Variants in DHX9 observed in about 807,000 individuals in gnomAD.
The protein encoded by DHX9 is DExH-box helicase 9, also known as ATP-dependent RNA helicase A.
DHX9 carries 27 observed loss-of-function variants against 148.7 expected under a neutral mutation model. That is an observed-to-expected ratio of 0.18 (90% CI 0.13 to 0.25). The LOEUF (loss-of-function observed/expected upper bound fraction) is 0.25, where lower values mean the gene tolerates loss of function less well. DHX9 is among the 10% of genes least tolerant of loss of function. DHX9 has a pLI of 1.00. For synonymous variants in DHX9, 529 were observed against 516.6 expected, an observed-to-expected ratio of 1.02 and a Z score of -0.33; for missense variants, 796 against 1,559.6, an observed-to-expected ratio of 0.51 and a Z score of 8.25.
intron 6 of DHX9, 68 bp downstream of exon 6, chr1:182,854,246 T>TCC: frequency 2.1e-6 from 3 of 1,417,292 alleles, no homozygotes; most frequent in Non-Finnish European, 1.9e-6. Context: ...CTGTTGAATA[T>TCC]AATCTATTTT....
rs770991767 is a variant in DHX9, at chr1:182,853,310, T to C, written c.369T>C (p.Asn123=). The C allele has an allele frequency of 6.2e-7, 1 of 1,605,422 alleles. No homozygotes were observed. Among genetic ancestry groups the C allele is most frequent in the South Asian group, 1.1e-5 (1 of 89,978 alleles). The change falls in exon 5 of 28, where the codon AAT becomes AAC. Residue 123 remains asparagine, a synonymous_variant. Coordinates refer to ENST00000367549, the MANE Select transcript of DHX9 (RefSeq NM_001357.5). ...GAATTTTTTTTCTTTTAACAGAAAATAATTCTGAGGTAGGGGCCTCTGGCT... is the reference window on the plus strand; with the variant it reads ...GAATTTTTTTTCTTTTAACAGAAAACAATTCTGAGGTAGGGGCCTCTGGCT... The part of the protein sequence containing the change: ...LPPHLALKAE[N]NSEVGASGYG...
chr1:182,870,850 C>A (rs1381848632), intron 14 of DHX9, among the ~76,000 whole-genome samples: 1 of 152,116 alleles, frequency 6.6e-6, no homozygotes, highest in Non-Finnish European at 1.5e-5. Context: ...CCCAGAATAT[C>A]TAAAATATTT....
chr1:182,842,705 G>A (rs1325615159), intron 2 of DHX9, 28 bp downstream of exon 2: 1 of 1,559,680 alleles, frequency 6.4e-7, no homozygotes, highest in Non-Finnish European at 8.8e-7. Context: ...TTGCATTTAT[G>A]TGATTTATGA....
At chr1:182,847,453 G>A (rs1423799476) in intron 3 of DHX9, among the ~76,000 whole-genome samples, 2 of 152,140 alleles carry the variant, frequency 1.3e-5, no homozygotes, top group Non-Finnish European at 2.9e-5. Flanking sequence ...TGTTAACTCA[G>A]ATCTCACCTC....
Position 182,883,648 on chromosome 1 carries a change from A to G in DHX9, c.3260+13A>G. ...TTGTAGATGACTGGTATGGATTTTC[A>G]GATGTGAACTCCAAACTGAATTCTT... On this transcript the variant is annotated intron_variant, in intron 26 of 27. Transcript: ENST00000367549. 1.3e-6 allele frequency: 2 copies of G among 1,565,422 alleles called. No homozygotes were observed. Among genetic ancestry groups the G allele is most frequent in the Non-Finnish European group, 1.8e-6 (2 of 1,136,528 alleles).
chr1:182,874,027 ATT>A (rs2102614289), intron 15 of DHX9, among the ~76,000 whole-genome samples: 2 of 152,348 alleles, frequency 1.3e-5, no homozygotes, highest in South Asian at 4.1e-4. Flanking sequence ...AATACAAAAT[ATT>A]TGTGTGTCTA....
intron 22 of DHX9, among the ~76,000 whole-genome samples, chr1:182,880,908 G>T (rs1649055469): frequency 6.6e-6 from 1 of 152,188 alleles, no homozygotes; most frequent in Non-Finnish European, 1.5e-5. Flanking sequence ...CAGGGTGGGA[G>T]GGTCCCTTGT....
In DHX9 at chr1:182,884,679, T is replaced by A. The variant is rs752986119; in HGVS notation, c.3327T>A (p.Ala1109=). 1 of 1,614,194 alleles carries A rather than the reference T, an allele frequency of 6.2e-7. No individual in the cohort carries two copies. Among genetic ancestry groups the A allele is most frequent in the South Asian group, 1.1e-5 (1 of 91,082 alleles). ...CTGGTCTCCGGGCAGCCATGGAGGC[T>A]TTGGTTGTTGAAGTAACCAAACAAC... is the stretch of plus-strand genomic sequence containing the variant. ...CITGLRAAME[A]LVVEVTKQPA... Residue 1109 remains alanine, a synonymous_variant, in exon 27 of 28, where the codon GCT becomes GCA. Coordinates refer to ENST00000367549, the MANE Select transcript of DHX9 (RefSeq NM_001357.5).
chr1:182,846,975 T>C (rs1176316224), intron 3 of DHX9, among the ~76,000 whole-genome samples: 1 of 152,198 alleles, frequency 6.6e-6, no homozygotes, highest in Non-Finnish European at 1.5e-5. Flanking sequence ...TTTGATAGTT[T>C]TTTCTGTCCC....
chr1:182,875,039 T>C (rs1261576014), intron 16 of DHX9, 85 bp downstream of exon 16: 1 of 1,056,728 alleles, frequency 9.5e-7, no homozygotes, highest in African/African-American at 1.6e-5. Flanking sequence ...TGCAATGTAT[T>C]AGCATTACAG....
rs562472257 is a variant in DHX9, at chr1:182,847,375, T to C, written c.252+3941T>C. 8.9e-4 allele frequency among the ~76,000 whole-genome samples: 136 copies of C among 152,334 alleles called. 3 individuals carry two copies. The South Asian group carries it at 0.028, about 31-fold the overall frequency. ...GAGCATTGATTTGGTTTTTTTGTTT[T>C]GTTTTGTTTTGTTTTTAATCAGGCA... is the stretch of plus-strand genomic sequence containing the variant. On this transcript the variant is annotated intron_variant, in intron 3 of 27. Transcript: ENST00000367549.
Position 182,880,531 on chromosome 1 carries a change from T to A in DHX9, c.2547T>A (p.Thr849=), listed in dbSNP as rs369317509. 1.9e-6 allele frequency: 3 copies of A among 1,613,684 alleles called. No individual in the cohort carries two copies. The highest frequency in any genetic ancestry group is 1.7e-6 in the Non-Finnish European group (2 of 1,179,756). ...CATTAGATGCCAATGATGAGTTGAC[T>A]CCTTTGGGACGAATCCTGGCTAAAC... The part of the protein sequence containing the change: ...LDALDANDEL[T]PLGRILAKLP... The change falls in exon 22 of 28, where the codon ACT becomes ACA. Residue 849 remains threonine (T), a synonymous_variant. Coordinates refer to ENST00000367549, the MANE Select transcript of DHX9 (RefSeq NM_001357.5).
At chr1:182,844,077 A>G (rs990728572) in intron 3 of DHX9, among the ~76,000 whole-genome samples, 3 of 152,160 alleles carry the variant, frequency 2.0e-5, no homozygotes, top group Non-Finnish European at 2.9e-5. Flanking sequence ...GCCTCCGAGT[A>G]GCTGGGATTA....
chr1:182,884,261 ACT>A (rs765017487), intron 26 of DHX9, among the ~76,000 whole-genome samples: 4 of 151,748 alleles, frequency 2.6e-5, no homozygotes, highest in Non-Finnish European at 4.4e-5. Context: ...ACAGAGCAAG[ACT>A]CTGTCTCAAA....
At chr1:182,844,624 C>A (rs560150831) in intron 3 of DHX9, among the ~76,000 whole-genome samples, 246 of 152,322 alleles carry the variant, frequency 1.6e-3, no homozygotes, top group Admixed American at 4.1e-3. Context: ...ACCTCCACCT[C>A]CTGGGTTCAA....
In DHX9 at chr1:182,856,702, A is replaced by T. The variant is rs61022920; in HGVS notation, c.673+124A>T. ...GAAAGAGCACATAATGTAAGATAGC[A>T]TCTAGGGTATATTTTAGAATATTAG... On this transcript the variant is annotated intron_variant, in intron 7 of 27. Transcript: ENST00000367549. 1.3e-3 allele frequency: 951 copies of T among 738,544 alleles called. 8 individuals carry two copies. In the African/African-American group the frequency reaches 0.015, roughly 12 times the overall value. The allele number at this position is 738,544 out of a possible 1,614,324, so 45.7% of individuals were successfully genotyped here.
At chr1:182,844,110 G>C (rs1399196051) in intron 3 of DHX9, among the ~76,000 whole-genome samples, 1 of 152,090 alleles carries the variant, frequency 6.6e-6, no homozygotes, top group Non-Finnish European at 1.5e-5. Context: ...ATGATGCCCA[G>C]CTATTTTTTA....
chr1:182,842,299 G>A (rs1269019273), intron 1 of DHX9, among the ~76,000 whole-genome samples: 5 of 152,132 alleles, frequency 3.3e-5, no homozygotes, highest in Non-Finnish European at 7.4e-5. Context: ...AACCATTTTA[G>A]GGGGTATTTC....
chr1:182,848,301 TTTG>T (rs1455717435), intron 3 of DHX9, among the ~76,000 whole-genome samples: 4 of 152,328 alleles, frequency 2.6e-5, no homozygotes, highest in East Asian at 3.9e-4. Context: ...TGGAGATATT[TTTG>T]TTGTTGTAAC....
Sources: allele counts gnomAD v4.1 joint callset (sites outside exome capture counted in the v4.1 genomes callset), GRCh38; gene constraint gnomAD v4.1.1; transcripts MANE v1.5; gene names NCBI Gene and HGNC (gene_info 2026-07-23, HGNC 2026-07-21).